The following PACRGL variants were observed in gnomAD, a reference collection of about 807,000 sequenced individuals.
The protein encoded by PACRGL is parkin coregulated like, also known as PACRG-like protein.
PACRGL carries 38 observed loss-of-function variants against 34.5 expected under a neutral mutation model. The ratio of observed to expected loss-of-function variants is 1.10; its 90% CI spans 0.85 to 1.44. The LOEUF (loss-of-function observed/expected upper bound fraction) is 1.44. Among genes scored for constraint, PACRGL ranks in the 40% most tolerant of loss-of-function variants. The probability of loss-of-function intolerance (pLI) is 0.00; values close to 1 mark genes in which losing one functional copy is unlikely to be tolerated. For synonymous variants in PACRGL, 128 were observed against 100.1 expected (o/e 1.28, Z -1.66); for missense variants, 305 against 281.4 (o/e 1.08, Z -0.60).
chr4:20,736,166 T>C (rs1437573443), downstream of PACRGL, among the ~76,000 whole-genome samples: 1 of 152,230 alleles, frequency 6.6e-6, no homozygotes, highest in East Asian at 1.9e-4. Context: ...ATAGTTTGTA[T>C]TTACTTCCAA....
rs115874251 is a variant in PACRGL at position 20,731,581 on chromosome 4, T to C, written c.*4240T>C. The C allele has an allele frequency of 9.6e-4, 947 of 985,394 alleles. 10 individuals are homozygous for C. In the African/African-American group the frequency reaches 0.015, roughly 16 times the overall value. The allele number at this position is 985,394 out of a possible 1,614,324, so 61.0% of individuals were successfully genotyped here. A position where few individuals can be genotyped will look rare whatever the true frequency, so the allele number is the denominator to read the frequency against. ...ATACACTAAAACAATGACTTTTCTC[T>C]TAGAAATCAGATAGAAGCTTGGCCT... On this transcript the variant is annotated 3_prime_UTR_variant, in exon 9 of 9. Transcript: ENST00000503585.
intron 8 of PACRGL, among the ~76,000 whole-genome samples, chr4:20,741,364 A>T (rs1751057390): frequency 6.6e-6 from 1 of 152,244 alleles, no homozygotes; most frequent in African/African-American, 2.4e-5. Context: ...AAATTATAAC[A>T]AACTGTCTCT....
At chr4:20,698,068 C>T (rs772085620), upstream of PACRGL, among the ~76,000 whole-genome samples, 2 of 152,132 alleles carry the variant, frequency 1.3e-5, no homozygotes, top group Non-Finnish European at 2.9e-5. Flanking sequence ...AATGAATACT[C>T]TGACTTCACT....
intron 3 of PACRGL, among the ~76,000 whole-genome samples, chr4:20,705,023 T>C (rs912306416): frequency 6.6e-6 from 1 of 152,282 alleles, no homozygotes; most frequent in Non-Finnish European, 1.5e-5. Context: ...GAAGTTAACC[T>C]GTTTGGGATA....
chr4:20,745,054 T>A (rs927048906), intron 8 of PACRGL, among the ~76,000 whole-genome samples: 3 of 152,186 alleles, frequency 2.0e-5, no homozygotes, highest in Non-Finnish European at 2.9e-5. Flanking sequence ...TTGCTAGGAA[T>A]GGTAGGACAG....
downstream of PACRGL, among the ~76,000 whole-genome samples, chr4:20,753,810 C>A (rs528198489): frequency 6.6e-6 from 1 of 152,256 alleles, no homozygotes; most frequent in South Asian, 2.1e-4. Flanking sequence ...TTATTTTAAT[C>A]TTTATGTCTA....
chr4:20,758,930 C>A, the PACRGL span: 1 of 1,554,664 alleles, frequency 6.4e-7, no homozygotes, highest in South Asian at 1.1e-5. Flanking sequence ...GCAAAGTGTT[C>A]ATAAAACTGA....
chr4:20,713,035 C>G (rs1578195972), intron 6 of PACRGL, 113 bp downstream of exon 6: 1 of 1,095,444 alleles, frequency 9.1e-7, no homozygotes, highest in Non-Finnish European at 1.2e-6. Flanking sequence ...GCAAAGTAGT[C>G]CTTTATCTGT....
At position 20,729,950 on chromosome 4, in the gene PACRGL, TA is replaced by T; in HGVS notation, c.*2613del. The T allele has an allele frequency of 9.1e-7, 1 of 1,102,398 alleles. No individual in the cohort carries two copies. Among genetic ancestry groups the T allele is most frequent in the Non-Finnish European group, 1.2e-6 (1 of 812,492 alleles). The allele number at this position is 1,102,398 out of a possible 1,614,324, so 68.3% of individuals were successfully genotyped here. A position where few individuals can be genotyped will look rare whatever the true frequency, so the allele number is the denominator to read the frequency against. On this transcript the variant is annotated 3_prime_UTR_variant, in exon 9 of 9. Coordinates refer to ENST00000503585, the MANE Select transcript of PACRGL (RefSeq NM_001258345.3). Reference sequence around the variant, plus strand: ...AAATCTTTTGGGGATTGCTTTATATTAAAACAAAGCTTGTTTGCATAATATG... The same window carrying T: ...AAATCTTTTGGGGATTGCTTTATATTAAACAAAGCTTGTTTGCATAATATG...
chr4:20,704,855 G>T, intron 3 of PACRGL, 41 bp downstream of exon 3: 1 of 1,598,232 alleles, frequency 6.3e-7, no homozygotes, highest in South Asian at 1.1e-5. Context: ...ATTTTTTAAA[G>T]GCATTTCGCA....
intron 8 of PACRGL, among the ~76,000 whole-genome samples, chr4:20,740,841 A>G (rs1258510490): frequency 6.6e-6 from 1 of 152,212 alleles, no homozygotes; most frequent in African/African-American, 2.4e-5. Context: ...GCCTGCAGAG[A>G]CAAACATAGG....
intron 3 of PACRGL, among the ~76,000 whole-genome samples, chr4:20,706,373 A>G (rs571378623): frequency 6.6e-6 from 1 of 152,316 alleles, no homozygotes; most frequent in South Asian, 2.1e-4. Flanking sequence ...GAAGTCAAAT[A>G]TGTTGATAGT....
intron 5 of PACRGL, 39 bp downstream of exon 5, chr4:20,709,812 A>G (rs1252455232): frequency 1.3e-6 from 2 of 1,498,722 alleles, no homozygotes; most frequent in South Asian, 2.3e-5. Context: ...CAGAAAATAA[A>G]CATTAAAAAT....
At chr4:20,741,865 C>CA (rs1277581319) in intron 8 of PACRGL, among the ~76,000 whole-genome samples, 2 of 152,054 alleles carry the variant, frequency 1.3e-5, no homozygotes. Flanking sequence ...CAAATAGATG[C>CA]AATAAAAAAT....
At chr4:20,752,796 C>T in exon 9 of PACRGL, 1 of 152,186 alleles carries the variant, frequency 6.6e-6, no homozygotes, top group East Asian at 1.9e-4. Flanking sequence ...AGGCAGAAAA[C>T]TGGATAAAAT....
At chr4:20,758,563 A>G in the PACRGL span, among the ~76,000 whole-genome samples, 1 of 151,908 alleles carries the variant, frequency 6.6e-6, no homozygotes, top group Non-Finnish European at 1.5e-5. Flanking sequence ...GTCAGAAAAC[A>G]TTGTGCATTT....
the PACRGL span, among the ~76,000 whole-genome samples, chr4:20,759,474 A>G: frequency 6.6e-5 from 10 of 152,156 alleles, no homozygotes; most frequent in Non-Finnish European, 1.0e-4. Context: ...AGAGTCTGCA[A>G]AGAAATGGCC....
At chr4:20,723,844 T>C (rs919712249) in intron 7 of PACRGL, among the ~76,000 whole-genome samples, 1 of 151,974 alleles carries the variant, frequency 6.6e-6, no homozygotes, top group African/African-American at 2.4e-5. Context: ...GTTCTAGAAA[T>C]AGGTTGTGTG....
downstream of PACRGL, among the ~76,000 whole-genome samples, chr4:20,753,546 T>C (rs1754003525): frequency 6.6e-6 from 1 of 152,178 alleles, no homozygotes; most frequent in Non-Finnish European, 1.5e-5. Flanking sequence ...CCCAGGTTTG[T>C]AGAATGAAAT....
Sources: allele counts gnomAD v4.1 joint callset (sites outside exome capture counted in the v4.1 genomes callset), GRCh38; gene constraint gnomAD v4.1.1; transcripts MANE v1.5; gene names NCBI Gene and HGNC (gene_info 2026-07-23, HGNC 2026-07-21).